The following IQCK variants were observed in gnomAD, a reference collection of about 807,000 sequenced individuals.
The protein encoded by IQCK is IQ domain-containing protein K.
IQCK carries 29 observed loss-of-function variants against 28.1 expected under a neutral mutation model. The observed-to-expected ratio is 1.03, with a 90% CI of 0.77 to 1.41. The LOEUF (loss-of-function observed/expected upper bound fraction) is 1.41. Among genes scored for constraint, IQCK ranks in the 40% most tolerant of loss-of-function variants. The probability of loss-of-function intolerance (pLI) is 0.00; values close to 1 mark genes in which losing one functional copy is unlikely to be tolerated. For missense variants in IQCK, 359 were observed against 314.7 expected, an observed-to-expected ratio of 1.14 and a Z score of -1.07; for synonymous variants, 113 against 115.1, an observed-to-expected ratio of 0.98 and a Z score of 0.12.
At chr16:19,760,274 C>G (rs967769349) in intron 4 of IQCK, among the ~76,000 whole-genome samples, 6 of 152,100 alleles carry the variant, frequency 3.9e-5, no homozygotes, top group Non-Finnish European at 8.8e-5. Flanking sequence ...AATAAACAAC[C>G]TAATGCAAAC....
At chr16:19,746,374 C>T (rs1044767334) in intron 4 of IQCK, among the ~76,000 whole-genome samples, 3 of 152,086 alleles carry the variant, frequency 2.0e-5, no homozygotes, top group African/African-American at 7.2e-5. Flanking sequence ...AAAATGTACA[C>T]TTAAGTTTTT....
chr16:19,740,063 T>C (rs1440702897), intron 4 of IQCK, among the ~76,000 whole-genome samples: 1 of 152,180 alleles, frequency 6.6e-6, no homozygotes, highest in Non-Finnish European at 1.5e-5. Context: ...TGGGTTTCCA[T>C]CCCTCCTAGT....
intron 7 of IQCK, among the ~76,000 whole-genome samples, chr16:19,815,647 G>A (rs1310059431): frequency 6.6e-6 from 1 of 152,158 alleles, no homozygotes. Flanking sequence ...TTCCAGCCTG[G>A]GCAACAGAGC....
chr16:19,815,602 T>G (rs898343840), intron 7 of IQCK, among the ~76,000 whole-genome samples: 1 of 152,156 alleles, frequency 6.6e-6, no homozygotes, highest in Non-Finnish European at 1.5e-5. Flanking sequence ...GCCCGGGAGT[T>G]TCAGGCTGCA....
chr16:19,762,176 T>C (rs1419676564), intron 4 of IQCK: 1 of 152,216 alleles, frequency 6.6e-6, no homozygotes, highest in Admixed American at 6.5e-5. Flanking sequence ...GAAATGTAGA[T>C]CTTTGGCTGA....
chr16:19,768,350 A>T (rs2055272166), intron 6 of IQCK, among the ~76,000 whole-genome samples: 1 of 152,156 alleles, frequency 6.6e-6, no homozygotes, highest in African/African-American at 2.4e-5. Flanking sequence ...TTCGAGGGGG[A>T]GACTCTGTCA....
chr16:19,718,368 A>G, exon 1 of IQCK: 1 of 1,608,740 alleles, frequency 6.2e-7, no homozygotes. Context: ...TGCTCTACAG[A>G]CTCGTCGTTC....
chr16:19,769,500 C>T (rs1222461493), intron 6 of IQCK, among the ~76,000 whole-genome samples: 1 of 152,104 alleles, frequency 6.6e-6, no homozygotes, highest in Non-Finnish European at 1.5e-5. Flanking sequence ...TTGTGACATT[C>T]CAGGCCAAAG....
At chr16:19,854,311 C>G (rs2141128445) in intron 9 of IQCK, among the ~76,000 whole-genome samples, 1 of 152,314 alleles carries the variant, frequency 6.6e-6, no homozygotes, top group South Asian at 2.1e-4. Flanking sequence ...TGGGTGGGCT[C>G]CACCCCCAGT....
chr16:19,772,360 G>A (rs1467585013), intron 6 of IQCK, among the ~76,000 whole-genome samples: 6 of 152,104 alleles, frequency 3.9e-5, no homozygotes, highest in Non-Finnish European at 8.8e-5. Flanking sequence ...AGATTCCAAT[G>A]TGTGGATCTT....
intron 7 of IQCK, among the ~76,000 whole-genome samples, chr16:19,798,286 C>T (rs1393931592): frequency 1.0e-5 from 1 of 99,546 alleles, no homozygotes; most frequent in African/African-American, 1.3e-4. Context: ...GGCATGGTGG[C>T]GGGTGCCTGT....
intron 1 of IQCK, among the ~76,000 whole-genome samples, chr16:19,720,214 T>A (rs955044937): frequency 6.6e-6 from 1 of 152,188 alleles, no homozygotes; most frequent in Non-Finnish European, 1.5e-5. Flanking sequence ...CAACCTTACA[T>A]TGTGCTAGAA....
intron 9 of IQCK, among the ~76,000 whole-genome samples, chr16:19,854,918 TA>T (rs2056536955): frequency 6.6e-6 from 1 of 152,062 alleles, no homozygotes; most frequent in East Asian, 1.9e-4. Context: ...ATAAATGGAA[TA>T]AAAAAGGTAT....
At chr16:19,733,449 A>C (rs988601716) in intron 2 of IQCK, among the ~76,000 whole-genome samples, 1 of 151,980 alleles carries the variant, frequency 6.6e-6, no homozygotes, top group South Asian at 2.1e-4. Context: ...GTGAGGCTTC[A>C]TCCCTGGTGT....
chr16:19,838,029 A>G (rs924181179), intron 9 of IQCK, among the ~76,000 whole-genome samples: 1 of 152,240 alleles, frequency 6.6e-6, no homozygotes, highest in Non-Finnish European at 1.5e-5. Flanking sequence ...GAATGGTTGA[A>G]TCAGGAAATC....
chr16:19,851,600 G>T (rs974487479), intron 9 of IQCK, among the ~76,000 whole-genome samples: 3 of 152,190 alleles, frequency 2.0e-5, no homozygotes, highest in South Asian at 2.1e-4. Context: ...AGTCTTATTA[G>T]TATGCAAGGC....
At chr16:19,729,758 C>A (rs1295172322) in intron 1 of IQCK, among the ~76,000 whole-genome samples, 1 of 151,610 alleles carries the variant, frequency 6.6e-6, no homozygotes, top group Non-Finnish European at 1.5e-5. Context: ...CATTCTCCTG[C>A]CTCAGCTTCC....
At chr16:19,850,731 C>G (rs992495548) in intron 9 of IQCK, among the ~76,000 whole-genome samples, 3 of 152,106 alleles carry the variant, frequency 2.0e-5, no homozygotes, top group African/African-American at 7.2e-5. Flanking sequence ...AAAATAATAG[C>G]TGGCTGGGTG....
intron 4 of IQCK, among the ~76,000 whole-genome samples, chr16:19,741,411 C>T (rs1165897340): frequency 2.6e-5 from 4 of 152,102 alleles, no homozygotes; most frequent in Non-Finnish European, 5.9e-5. Flanking sequence ...TAATATTTGA[C>T]CATAAATAAT....
Sources: allele counts gnomAD v4.1 joint callset (sites outside exome capture counted in the v4.1 genomes callset), GRCh38; gene constraint gnomAD v4.1.1; transcripts MANE v1.5; gene names NCBI Gene and HGNC (gene_info 2026-07-23, HGNC 2026-07-21).